Variants in RIC1 observed in about 807,000 individuals in gnomAD.
RIC1 encodes the protein RIC1 partner of RAB6A GEF complex.
RIC1 carries 88 observed loss-of-function variants against 169.0 expected under a neutral mutation model. That is an observed-to-expected ratio of 0.52 (90% CI 0.44 to 0.62). RIC1 has a LOEUF of 0.62. Ranked by LOEUF, RIC1 falls within the 20% of genes least tolerant of loss-of-function variation. The pLI, the probability that RIC1 is intolerant of heterozygous loss-of-function variation, is 0.00. For missense variants in RIC1, 1,877 were observed against 1,725.5 expected, an observed-to-expected ratio of 1.09 and a Z score of -1.56; for synonymous variants, 790 against 601.5, an observed-to-expected ratio of 1.31 and a Z score of -4.59.
At position 5,765,403 on chromosome 9, in the gene RIC1, G is replaced by GT. The variant is rs754463659; in HGVS notation, c.2842-5dup. On this transcript the variant is annotated splice_polypyrimidine_tract_variant and intron_variant, in intron 19 of 25. Coordinates refer to ENST00000414202, the MANE Select transcript of RIC1 (RefSeq NM_020829.4). ...GTATAAAAAGAATGCTGTCCTGGTT[G>GT]TTTTTTGTAGAATATGGAAGTCCCT... 1.8e-5 allele frequency: 29 copies of GT among 1,608,072 alleles called. No homozygotes were observed. The highest frequency in any genetic ancestry group is 2.4e-5 in the Non-Finnish European group (28 of 1,177,742).
chr9:5,700,115 T>G (rs1822128927), intron 3 of RIC1, among the ~76,000 whole-genome samples: 1 of 152,118 alleles, frequency 6.6e-6, no homozygotes, highest in Admixed American at 6.5e-5. Flanking sequence ...CATTGACATT[T>G]CTGTTCTTTC....
chr9:5,729,449 C>T lies in RIC1; in HGVS notation c.721-2939C>T, dbSNP rs184015712. On this transcript the variant is annotated intron_variant, in intron 6 of 25. Transcript: ENST00000414202. ...GTGTACCCTACAACTTAAATTTAGA[C>T]GTTTCTCAGCATTCTTCCCTGTCAG... 9.2e-5 allele frequency among the ~76,000 whole-genome samples: 14 copies of T among 152,270 alleles called. No individual in the cohort carries two copies. The East Asian group carries it at 1.5e-3, about 17-fold the overall frequency.
At chr9:5,772,764 A>G in intron 24 of RIC1, 23 bp downstream of exon 24, 8 of 1,593,252 alleles carry the variant, frequency 5.0e-6, no homozygotes, top group South Asian at 1.1e-5. Context: ...GCTATTTGAA[A>G]TCACAGAATG....
chr9:5,744,086 T>C (rs1377658020), intron 10 of RIC1, among the ~76,000 whole-genome samples: 1 of 152,166 alleles, frequency 6.6e-6, no homozygotes, highest in Non-Finnish European at 1.5e-5. Context: ...GACTCTTCAT[T>C]ATACAGTTCT....
chr9:5,772,982 G>C lies in RIC1; in HGVS notation c.3885G>C (p.Gln1295His), dbSNP rs374147809. The part of the protein sequence containing the change: ...LILRESSIIN[Q>H]ILVITQSSEV... ...TTAGAGAATCCTCAATAATCAATCA[G>C]ATTTTGGTTATTACACAGTCTTCAG... The change falls in exon 25 of 26, where the codon CAG becomes CAC. Residue 1295 changes from glutamine to histidine, a missense_variant. Physicochemically the swap from Gln to His is conservative, Grantham distance 24. Around this residue, in one of 3 missense-constraint regions of RIC1, gnomAD observed 681 missense variants for 582.0 expected, o/e 1.17. Transcript: ENST00000414202. The C allele has an allele frequency of 1.2e-6, 2 of 1,613,238 alleles. No homozygotes were observed. Among genetic ancestry groups the C allele is most frequent in the Non-Finnish European group, 1.7e-6 (2 of 1,179,306 alleles).
chr9:5,772,763 A>C, intron 24 of RIC1, 22 bp downstream of exon 24: 1 of 1,593,170 alleles, frequency 6.3e-7, no homozygotes, highest in Non-Finnish European at 8.5e-7. Flanking sequence ...GGCTATTTGA[A>C]ATCACAGAAT....
chr9:5,719,101 A>G lies in RIC1; in HGVS notation c.441-1081A>G, dbSNP rs367863632. Reference sequence around the variant, plus strand: ...CATTTTTTGTTTTTCCTTATATAGTATTTGATACTTTGAACACTCTTTCTT... The same window carrying G: ...CATTTTTTGTTTTTCCTTATATAGTGTTTGATACTTTGAACACTCTTTCTT... On this transcript the variant is annotated intron_variant, in intron 4 of 25. Transcript: ENST00000414202. 1.6e-4 allele frequency: 25 copies of G among 152,294 alleles called. No individual in the cohort carries two copies. The East Asian group carries it at 3.7e-3, about 22-fold the overall frequency. 9.4% of individuals were successfully genotyped at this position (152,294 alleles called of 1,614,324 possible).
intron 3 of RIC1, among the ~76,000 whole-genome samples, chr9:5,692,036 T>A (rs1297322313): frequency 6.6e-6 from 1 of 152,086 alleles, no homozygotes; most frequent in Non-Finnish European, 1.5e-5. Context: ...TGAACTTTGC[T>A]GTGTTTGACT....
intron 1 of RIC1, among the ~76,000 whole-genome samples, chr9:5,648,153 C>T (rs1377676435): frequency 6.6e-6 from 1 of 151,828 alleles, no homozygotes; most frequent in African/African-American, 2.4e-5. Flanking sequence ...CGACTAATTT[C>T]TTGTATTTTT....
intron 6 of RIC1, among the ~76,000 whole-genome samples, 192 bp downstream of exon 6, chr9:5,720,942 G>C (rs556173582): frequency 6.6e-6 from 1 of 152,126 alleles, no homozygotes; most frequent in African/African-American, 2.4e-5. Context: ...AATGATTCCT[G>C]TTCTCCTCCC....
chr9:5,732,354 C>G (rs368399321), intron 6 of RIC1, 34 bp from the exon 7 acceptor site: 80 of 1,513,708 alleles, frequency 5.3e-5, no homozygotes, highest in Middle Eastern at 5.1e-4. Context: ...TGGAGAAACA[C>G]TTTTTAAGCC....
intron 7 of RIC1, among the ~76,000 whole-genome samples, chr9:5,737,826 AAAGT>A (rs1391474446): frequency 2.0e-5 from 3 of 151,396 alleles, no homozygotes; most frequent in Non-Finnish European, 2.9e-5. Flanking sequence ...TTCTTACAAT[AAAGT>A]AAGAGAAAAG....
intron 1 of RIC1, among the ~76,000 whole-genome samples, chr9:5,646,868 C>T (rs1346966587): frequency 6.6e-6 from 1 of 152,094 alleles, no homozygotes; most frequent in East Asian, 1.9e-4. Context: ...GTATCATATC[C>T]AAGAAATTGT....
At chr9:5,734,171 A>T (rs974460042) in intron 7 of RIC1, among the ~76,000 whole-genome samples, 3 of 151,398 alleles carry the variant, frequency 2.0e-5, no homozygotes, top group African/African-American at 7.3e-5. Flanking sequence ...CAAGAGCGTG[A>T]TCTTGGCTCA....
At chr9:5,760,087 A>G (rs1042602934) in intron 17 of RIC1, among the ~76,000 whole-genome samples, 12 of 152,226 alleles carry the variant, frequency 7.9e-5, no homozygotes, top group Admixed American at 7.8e-4. Context: ...GAGCAAAGTA[A>G]GTTTTCATTT....
At chr9:5,773,317 G>C (rs561188627) in intron 25 of RIC1, 1 of 183,796 alleles carries the variant, frequency 5.4e-6, no homozygotes, top group Non-Finnish European at 1.1e-5. Flanking sequence ...TTTATAGTGT[G>C]AATGTATATC....
intron 2 of RIC1, among the ~76,000 whole-genome samples, chr9:5,681,123 G>C (rs1381662585): frequency 2.0e-5 from 3 of 152,030 alleles, no homozygotes; most frequent in Admixed American, 6.6e-5. Context: ...ACCGCGCCCG[G>C]CCGATTTTTT....
intron 7 of RIC1, among the ~76,000 whole-genome samples, chr9:5,736,245 G>A (rs999439180): frequency 4.6e-5 from 7 of 152,184 alleles, no homozygotes; most frequent in African/African-American, 1.7e-4. Flanking sequence ...ATCTATTTGG[G>A]CAGGTAGTCT....
intron 12 of RIC1, among the ~76,000 whole-genome samples, chr9:5,751,742 TAGTA>T (rs1825737503): frequency 6.6e-6 from 1 of 152,222 alleles, no homozygotes. Context: ...AACAAATAAT[TAGTA>T]AGTAAAGCAC....
Sources: gnomAD v4.1 joint callset for allele counts (sites outside exome capture counted in the v4.1 genomes callset) on GRCh38, gnomAD v4.1.1 for gene constraint, gnomAD v4.1.1 regional missense constraint, MANE v1.5 for transcripts, NCBI Gene and HGNC (gene_info 2026-07-23, HGNC 2026-07-21) for gene names.